The following RIN3 variants were observed in gnomAD, a reference collection of about 807,000 sequenced individuals.
The protein encoded by RIN3 is Ras and Rab interactor 3.
Under a neutral mutation model 76.3 loss-of-function variants are expected in RIN3, and 54 were observed. That is an observed-to-expected ratio of 0.71 (90% confidence interval 0.57 to 0.89). RIN3 has a LOEUF of 0.89. Among genes scored for constraint, RIN3 ranks in the 40% least tolerant of loss-of-function variants. The pLI, the probability that RIN3 is intolerant of heterozygous loss-of-function variation, is 0.00. For missense variants in RIN3, 1,256 were observed against 1,322.1 expected (o/e 0.95, Z 0.78); for synonymous variants, 576 against 564.0 (o/e 1.02, Z -0.30).
intron 1 of RIN3, among the ~76,000 whole-genome samples, chr14:92,537,843 T>TTA (rs1897041720): frequency 8.4e-6 from 1 of 118,602 alleles, no homozygotes. Flanking sequence ...TTTTATTTAT[T>TTA]TTTTTTTTTT....
intron 7 of RIN3, among the ~76,000 whole-genome samples, chr14:92,665,898 C>A (rs982854817): frequency 6.6e-6 from 1 of 152,154 alleles, no homozygotes; most frequent in Non-Finnish European, 1.5e-5. Flanking sequence ...TCATACCTTC[C>A]CCTGGCAGGT....
intron 4 of RIN3, among the ~76,000 whole-genome samples, chr14:92,624,514 A>G (rs1290359661): frequency 2.0e-5 from 3 of 152,320 alleles, no homozygotes; most frequent in East Asian, 1.9e-4. Flanking sequence ...AGGGGACCCA[A>G]TCTTGACGTT....
intron 1 of RIN3, among the ~76,000 whole-genome samples, chr14:92,553,644 G>A (rs1256172049): frequency 2.0e-5 from 3 of 151,986 alleles, no homozygotes; most frequent in East Asian, 3.9e-4. Flanking sequence ...GCTGTGGACC[G>A]AAAGGGGAAA....
chr14:92,683,850 GAATA>G (rs1443541300), intron 8 of RIN3, among the ~76,000 whole-genome samples: 3 of 152,104 alleles, frequency 2.0e-5, no homozygotes, highest in Admixed American at 1.3e-4. Context: ...ATTATTTTTA[GAATA>G]GATAATGCAT....
intron 1 of RIN3, among the ~76,000 whole-genome samples, chr14:92,544,027 A>G (rs1360423981): frequency 3.3e-5 from 5 of 151,152 alleles, no homozygotes; most frequent in Non-Finnish European, 5.9e-5. Context: ...CCACCCCCCC[A>G]TCTCATTTAG....
chr14:92,601,503 A>G (rs1885343257), intron 3 of RIN3, among the ~76,000 whole-genome samples: 1 of 152,182 alleles, frequency 6.6e-6, no homozygotes, highest in South Asian at 2.1e-4. Flanking sequence ...TCTGATGTTG[A>G]AGGTGGTATT....
chr14:92,521,031 C>A (rs1302399037), intron 1 of RIN3, among the ~76,000 whole-genome samples: 2 of 152,308 alleles, frequency 1.3e-5, no homozygotes, highest in East Asian at 1.9e-4. Context: ...ACTCTTCTCG[C>A]AATGGATATC....
intron 5 of RIN3, among the ~76,000 whole-genome samples, chr14:92,647,434 G>A (rs1360154807): frequency 6.6e-6 from 1 of 152,208 alleles, no homozygotes. Flanking sequence ...ATTACTCGCA[G>A]TGGTTTTCAA....
At chr14:92,585,476 A>G (rs1415669720) in intron 3 of RIN3, among the ~76,000 whole-genome samples, 1 of 152,198 alleles carries the variant, frequency 6.6e-6, no homozygotes. Flanking sequence ...GCCAGTTAGC[A>G]CAAGGGTTCA....
intron 2 of RIN3, among the ~76,000 whole-genome samples, chr14:92,564,220 C>G (rs1448248113): frequency 6.6e-6 from 1 of 152,148 alleles, no homozygotes; most frequent in Non-Finnish European, 1.5e-5. Context: ...GATAAAAATC[C>G]AAATGTATTT....
chr14:92,517,355 G>T (rs1454993584), intron 1 of RIN3, among the ~76,000 whole-genome samples: 1 of 152,188 alleles, frequency 6.6e-6, no homozygotes, highest in Non-Finnish European at 1.5e-5. Flanking sequence ...TTTGTCTGGG[G>T]AGAGAATTAC....
Position 92,643,487 on chromosome 14 carries a change from A to G in RIN3, c.532+2158A>G, listed in dbSNP as rs930631493. Reference sequence around the variant, plus strand: ...CCAGAATGTTAGTTGTTGGGCTCCAACCCTCCCAGGATCTTGGATGTGGGA... The same window carrying G: ...CCAGAATGTTAGTTGTTGGGCTCCAGCCCTCCCAGGATCTTGGATGTGGGA... On this transcript the variant is annotated intron_variant, in intron 5 of 9. Transcript: ENST00000216487. This position sits in a 1 kb window ranked among gnomAD's most constrained non-coding sequence, Gnocchi z 4.8. 3.9e-5 allele frequency among the ~76,000 whole-genome samples: 6 copies of G among 151,968 alleles called. No homozygotes were observed. The highest frequency in any genetic ancestry group is 1.5e-4 in the African/African-American group (6 of 41,356).
At chr14:92,684,218 G>A (rs997057171) in intron 8 of RIN3, among the ~76,000 whole-genome samples, 9 of 151,864 alleles carry the variant, frequency 5.9e-5, no homozygotes, top group African/African-American at 2.2e-4. Flanking sequence ...CATCTCTACT[G>A]AAAATACAAA....
At position 92,521,937 on chromosome 14, in the gene RIN3, G is replaced by A. The variant is rs79371569; in HGVS notation, c.44+7961G>A. Among the ~76,000 whole-genome samples the A allele has an allele frequency of 6.1e-3, 930 of 152,284 alleles. 11 individuals carry two copies. Among genetic ancestry groups the A allele is most frequent in the African/African-American group, 0.021 (884 of 41,546 alleles). On this transcript the variant is annotated intron_variant, in intron 1 of 9. Coordinates refer to ENST00000216487, the MANE Select transcript of RIN3 (RefSeq NM_024832.5). ...AAAGATACGTAGGATTTTAACCACT[G>A]AAATCAAGCATATGCAGAGAAGCGT...
intron 2 of RIN3, 75 bp downstream of exon 2, chr14:92,556,030 G>C: frequency 8.1e-7 from 1 of 1,233,326 alleles, no homozygotes. Flanking sequence ...ACCTGCCCTG[G>C]CTCCCACAGG....
At chr14:92,536,498 C>T (rs910192625) in intron 1 of RIN3, among the ~76,000 whole-genome samples, 1 of 152,098 alleles carries the variant, frequency 6.6e-6, no homozygotes, top group African/African-American at 2.4e-5. Flanking sequence ...AATCCCAGCA[C>T]TTTGGGAGGC....
intron 4 of RIN3, among the ~76,000 whole-genome samples, chr14:92,627,654 A>T (rs1886404540): frequency 1.3e-5 from 2 of 152,128 alleles, no homozygotes; most frequent in Admixed American, 1.3e-4. Flanking sequence ...TTTCCTTCCA[A>T]CGTTGCCGAG....
chr14:92,554,721 G>A (rs1897529682), intron 1 of RIN3, among the ~76,000 whole-genome samples: 1 of 152,204 alleles, frequency 6.6e-6, no homozygotes, highest in Non-Finnish European at 1.5e-5. Context: ...AGGAGTTTGA[G>A]ACCAGTCTGG....
In RIN3 at chr14:92,616,407, C is replaced by T. The variant is rs543585520; in HGVS notation, c.440+928C>T. ...CACCCTATGTAAATGAAGAGGATGA[C>T]GTAAAGTTACAAAGTCTTTTACTTG... On this transcript the variant is annotated intron_variant, in intron 4 of 9. Coordinates refer to ENST00000216487, the MANE Select transcript of RIN3 (RefSeq NM_024832.5). Among the ~76,000 whole-genome samples, 12 of 152,094 alleles carry T rather than the reference C, an allele frequency of 7.9e-5. No homozygotes were observed. In the South Asian group the frequency reaches 2.3e-3, roughly 29 times the overall value.
Sources: gnomAD v4.1 joint callset for allele counts (sites outside exome capture counted in the v4.1 genomes callset) on GRCh38, gnomAD v4.1.1 for gene constraint, Gnocchi (gnomAD v3.1) non-coding constraint, MANE v1.5 for transcripts, NCBI Gene and HGNC (gene_info 2026-07-23, HGNC 2026-07-21) for gene names.